The following TENM3 variants were observed in gnomAD, a reference collection of about 807,000 sequenced individuals.
The protein encoded by TENM3 is teneurin transmembrane protein 3, also known as teneurin-3.
TENM3 carries 63 observed loss-of-function variants against 255.1 expected under a neutral mutation model. That is an observed-to-expected ratio of 0.25 (90% CI 0.20 to 0.30). TENM3 has a LOEUF of 0.30. TENM3 is among the 10% of genes least tolerant of loss of function. The pLI, the probability that TENM3 is intolerant of heterozygous loss-of-function variation, is 1.00. For missense variants in TENM3, 2,929 were observed against 3,461.1 expected (o/e 0.85, Z 3.86); for synonymous variants, 1,306 against 1,322.3 (o/e 0.99, Z 0.27).
chr4:182,192,451 G>T (rs1753584491), intron 1 of TENM3, among the ~76,000 whole-genome samples: 1 of 152,130 alleles, frequency 6.6e-6, no homozygotes, highest in African/African-American at 2.4e-5. Context: ...TGTATTCGCT[G>T]GAAGTCAGGT....
At chr4:181,805,354 C>T in the TENM3 span, among the ~76,000 whole-genome samples, 1 of 152,152 alleles carries the variant, frequency 6.6e-6, no homozygotes, top group South Asian at 2.1e-4. Flanking sequence ...GCCACCTCTA[C>T]CTCCCTGCGG....
chr4:181,798,166 A>C, the TENM3 span, among the ~76,000 whole-genome samples: 1 of 151,986 alleles, frequency 6.6e-6, no homozygotes, highest in African/African-American at 2.4e-5. Context: ...GAATTTACAC[A>C]CTGATAAGTA....
At chr4:181,672,565 C>G in the TENM3 span, among the ~76,000 whole-genome samples, 1 of 152,168 alleles carries the variant, frequency 6.6e-6, no homozygotes, top group Non-Finnish European at 1.5e-5. Flanking sequence ...TTTAGCCCAG[C>G]TTCCTTCTCT....
the TENM3 span, among the ~76,000 whole-genome samples, chr4:182,101,918 A>G: frequency 3.3e-5 from 5 of 152,184 alleles, no homozygotes; most frequent in African/African-American, 2.4e-5. Flanking sequence ...TCGATTAAAA[A>G]TGATTGATTT....
the TENM3 span, among the ~76,000 whole-genome samples, chr4:181,932,124 T>C: frequency 6.6e-6 from 1 of 152,158 alleles, no homozygotes; most frequent in East Asian, 1.9e-4. Flanking sequence ...ACTTCATGAC[T>C]AAAACACCAA....
chr4:181,567,025 C>T, the TENM3 span, among the ~76,000 whole-genome samples: 1 of 152,146 alleles, frequency 6.6e-6, no homozygotes, highest in Non-Finnish European at 1.5e-5. Flanking sequence ...AGTCATTCCA[C>T]CCTCTTAAAG....
At chr4:182,248,269 T>A (rs761722804) in intron 1 of TENM3, among the ~76,000 whole-genome samples, 31 of 150,526 alleles carry the variant, frequency 2.1e-4, no homozygotes, top group Non-Finnish European at 4.5e-4. Flanking sequence ...ATAAAAAAAA[T>A]TTTAAATAAA....
chr4:182,664,049 TACTATA>T (rs1180260730), intron 6 of TENM3, among the ~76,000 whole-genome samples: 4 of 152,216 alleles, frequency 2.6e-5, no homozygotes, highest in South Asian at 2.1e-4. Flanking sequence ...TCACCTTTGA[TACTATA>T]ATTTTGTAAT....
the TENM3 span, among the ~76,000 whole-genome samples, chr4:181,862,116 T>C: frequency 2.0e-5 from 3 of 152,100 alleles, no homozygotes; most frequent in African/African-American, 7.2e-5. Flanking sequence ...TTTGATAAGG[T>C]GTTACAAAGT....
At chr4:182,016,798 G>A in the TENM3 span, among the ~76,000 whole-genome samples, 1 of 152,100 alleles carries the variant, frequency 6.6e-6, no homozygotes, top group African/African-American at 2.4e-5. Flanking sequence ...CTCGAAGTTT[G>A]TTATTAGTAT....
At chr4:182,486,313 T>TG (rs1365628121) in intron 3 of TENM3, among the ~76,000 whole-genome samples, 21 of 12,124 alleles carry the variant, frequency 1.7e-3, no homozygotes, top group Admixed American at 8.3e-3. Context: ...TTTAATTGTG[T>TG]GTGGGGGGGA....
chr4:182,473,609 C>G (rs533052806), intron 3 of TENM3, among the ~76,000 whole-genome samples: 15 of 151,998 alleles, frequency 9.9e-5, no homozygotes, highest in Non-Finnish European at 1.6e-4. Flanking sequence ...GGAGGCGGAG[C>G]TTGCAGTGAG....
At chr4:181,741,327 T>C in the TENM3 span, among the ~76,000 whole-genome samples, 1 of 152,216 alleles carries the variant, frequency 6.6e-6, no homozygotes, top group Admixed American at 6.6e-5. Context: ...TAAGGCCTGG[T>C]ACTTGAAGTG....
the TENM3 span, among the ~76,000 whole-genome samples, chr4:181,861,733 A>G: frequency 6.6e-6 from 1 of 152,194 alleles, no homozygotes; most frequent in East Asian, 1.9e-4. Context: ...GTTTAATGGA[A>G]GAATATATTT....
chr4:181,553,080 G>A, the TENM3 span, among the ~76,000 whole-genome samples: 1 of 152,016 alleles, frequency 6.6e-6, no homozygotes, highest in Non-Finnish European at 1.5e-5. Context: ...TTGATATGGG[G>A]CTTGAACATT....
At chr4:182,690,989 A>G (rs7688783) in intron 12 of TENM3, among the ~76,000 whole-genome samples, 15,380 of 152,290 alleles carry the variant, frequency 0.1, 1,020 homozygotes, top group African/African-American at 0.18. Context: ...CTTTTAAAAG[A>G]TGTAGAGCAC....
At chr4:181,500,933 A>G in the TENM3 span, among the ~76,000 whole-genome samples, 2 of 152,122 alleles carry the variant, frequency 1.3e-5, no homozygotes, top group Admixed American at 6.5e-5. Flanking sequence ...GGCTAGCCTG[A>G]CAACATGGTT....
the TENM3 span, among the ~76,000 whole-genome samples, chr4:181,845,492 T>A: frequency 6.6e-6 from 1 of 152,292 alleles, no homozygotes; most frequent in East Asian, 1.9e-4. Flanking sequence ...AGGAAATATA[T>A]ATTATATCTC....
intron 3 of TENM3, among the ~76,000 whole-genome samples, chr4:182,456,755 T>G (rs1773906353): frequency 2.0e-5 from 3 of 152,052 alleles, no homozygotes; most frequent in Admixed American, 2.0e-4. Context: ...ACCAGAAGAT[T>G]AATAGGTGAG....
Sources: gnomAD v4.1 joint callset for allele counts (sites outside exome capture counted in the v4.1 genomes callset) on GRCh38, gnomAD v4.1.1 for gene constraint, MANE v1.5 for transcripts, NCBI Gene and HGNC (gene_info 2026-07-23, HGNC 2026-07-21) for gene names.